The following DDX52 variants were observed in gnomAD, a reference collection of about 807,000 sequenced individuals.
DDX52 encodes probable ATP-dependent RNA helicase DDX52.
In DDX52, 59 loss-of-function variants were observed where a neutral mutation model predicts 76.1. That is an observed-to-expected ratio of 0.78 (90% CI 0.63 to 0.96). DDX52 has a LOEUF of 0.96. DDX52 is among the 40% of genes least tolerant of loss of function. DDX52 has a pLI of 0.00. For synonymous variants in DDX52, 231 were observed against 244.1 expected (o/e 0.95, Z 0.50); for missense variants, 707 against 703.9 (o/e 1.00, Z -0.05).
chr17:37,636,278 T>C (rs1463839680), intron 2 of DDX52, among the ~76,000 whole-genome samples: 1 of 152,132 alleles, frequency 6.6e-6, no homozygotes, highest in Non-Finnish European at 1.5e-5. Context: ...CAATATAAAG[T>C]TAGGTTTGAT....
In DDX52 at chr17:37,621,107, G is replaced by A. The variant is rs781226062; in HGVS notation, c.1501+20C>T. The A allele has an allele frequency of 6.3e-7, 1 of 1,594,426 alleles. No individual in the cohort carries two copies. ...CAGATCAGTGGGTGACAGAGGGGAA[G>A]GAAAAAAAAGACAACTCACCTATCC... On this transcript the variant is annotated intron_variant, in intron 11 of 14. Transcript: ENST00000617633.
At chr17:37,637,653 C>T (rs569289475) in intron 2 of DDX52, among the ~76,000 whole-genome samples, 1 of 152,068 alleles carries the variant, frequency 6.6e-6, no homozygotes, top group South Asian at 2.1e-4. Flanking sequence ...CGGCTCACTG[C>T]AACCTCTGCC....
At chr17:37,638,780 T>C (rs1406141545) in intron 2 of DDX52, among the ~76,000 whole-genome samples, 1 of 149,762 alleles carries the variant, frequency 6.7e-6, no homozygotes, top group Admixed American at 6.6e-5. Context: ...CTTTTTTTTT[T>C]TTTTTTTGAG....
rs1217680924 is a variant in DDX52, at chr17:37,633,053, GAGC to G, written c.417+232_417+234del. ...AAACATACTATCAATCTTGAAACTTGAGCAGGTCAAGAATTTTATATATGTATC... is the reference window on the plus strand; with the variant it reads ...AAACATACTATCAATCTTGAAACTTGAGGTCAAGAATTTTATATATGTATC... On this transcript the variant is annotated intron_variant, in intron 3 of 14. Coordinates refer to ENST00000617633, the MANE Select transcript of DDX52 (RefSeq NM_007010.5). 1.1e-4 allele frequency among the ~76,000 whole-genome samples: 17 copies of G among 152,198 alleles called. No homozygotes were observed. In the East Asian group the frequency reaches 2.3e-3, roughly 21 times the overall value.
chr17:37,626,220 T>A lies in DDX52; in HGVS notation c.933-122A>T, dbSNP rs2030365527. 2.9e-6 allele frequency: 3 copies of A among 1,030,434 alleles called. No homozygotes were observed. In the East Asian group the frequency reaches 8.0e-5, roughly 28 times the overall value. 63.8% of individuals were successfully genotyped at this position (1,030,434 alleles called of 1,614,324 possible). On this transcript the variant is annotated intron_variant, in intron 7 of 14. Coordinates refer to ENST00000617633, the MANE Select transcript of DDX52 (RefSeq NM_007010.5). ...ATAATGCTGCTTCTCAGATCCACTT[T>A]ATCATACCAAAAAAAAAAAATAAGA...
At chr17:37,631,114 T>TA (rs2030661565) in intron 4 of DDX52, 2 of 152,348 alleles carry the variant, frequency 1.3e-5, no homozygotes, top group African/African-American at 4.8e-5. Context: ...AAAGGTATCT[T>TA]ATATCCTTTG....
intron 13 of DDX52, among the ~76,000 whole-genome samples, chr17:37,618,776 C>A (rs147037294): frequency 2.6e-5 from 4 of 152,286 alleles, no homozygotes; most frequent in Non-Finnish European, 5.9e-5. Flanking sequence ...TGAGCTACCA[C>A]GCTCAGCCAC....
At position 37,610,196 on chromosome 17, in the gene DDX52, T is replaced by C. The variant is rs1040566468; in HGVS notation, c.*4100A>G. 6.6e-6 allele frequency: 1 copy of C among 151,702 alleles called. No homozygotes were observed. Among genetic ancestry groups the C allele is most frequent in the Admixed American group, 6.6e-5 (1 of 15,162 alleles). 9.4% of individuals were successfully genotyped at this position (151,702 alleles called of 1,614,324 possible). ...TGGAGTGCAGTGGCATGATCATGGC[T>C]CACAGCAGCCTCAGCCTCCCTGGCT... is the stretch of plus-strand genomic sequence containing the variant. On this transcript the variant is annotated 3_prime_UTR_variant, in exon 15 of 15. Coordinates refer to ENST00000617633, the MANE Select transcript of DDX52 (RefSeq NM_007010.5).
In DDX52 at chr17:37,643,368, G is replaced by T. The variant is rs2031291429; in HGVS notation, c.53C>A (p.Thr18Lys). Residue 18 changes from threonine to lysine, a missense_variant, in exon 1 of 15, where the codon ACG becomes AAG. Thr to Lys is a moderately conservative substitution (Grantham distance 78). Transcript: ENST00000617633. Reference protein sequence around the residue: ...RRLGAGAKFDTRRFSADAARF... With the variant: ...RRLGAGAKFDKRRFSADAARF... ...AGCTGCGTCTGCCGAGAAGCGTCTC[G>T]TGTCGAATTTGGCCCCCGCGCCGAG... 2 of 1,614,006 alleles carry T rather than the reference G, an allele frequency of 1.2e-6. No homozygotes were observed. Among genetic ancestry groups the T allele is most frequent in the African/African-American group, 1.3e-5 (1 of 75,034 alleles).
intron 13 of DDX52, among the ~76,000 whole-genome samples, 192 bp from the exon 14 acceptor site, chr17:37,618,576 G>T (rs1251235869): frequency 1.3e-5 from 2 of 151,988 alleles, no homozygotes; most frequent in Non-Finnish European, 2.9e-5. Flanking sequence ...CTGCCTCCTG[G>T]GTTCAGGCGA....
intron 12 of DDX52, chr17:37,620,669 G>C: frequency 2.1e-6 from 1 of 467,554 alleles, no homozygotes. Flanking sequence ...TTTTGAATAT[G>C]TATTTCCAAA....
chr17:37,622,534 T>C (rs2030156149), intron 9 of DDX52, among the ~76,000 whole-genome samples: 1 of 152,116 alleles, frequency 6.6e-6, no homozygotes, highest in Non-Finnish European at 1.5e-5. Context: ...GACCTGATGA[T>C]CCGCCCGCTT....
intron 14 of DDX52, chr17:37,614,949 T>C (rs1321731734): frequency 6.6e-6 from 1 of 152,210 alleles, no homozygotes; most frequent in Non-Finnish European, 1.5e-5. Context: ...TATTAACTCA[T>C]ATAATCCCAA....
chr17:37,643,422 T>C lies in DDX52; in HGVS notation c.-2A>G, dbSNP rs1439395806. Reference sequence around the variant, plus strand: ...GCGAAAGAGATCGTGGACGTCCATCTTTACCCAGAAAGCGCCACAGTTCTA... The same window carrying C: ...GCGAAAGAGATCGTGGACGTCCATCCTTACCCAGAAAGCGCCACAGTTCTA... On this transcript the variant is annotated 5_prime_UTR_variant, in exon 1 of 15. Transcript: ENST00000617633. 8 of 1,613,796 alleles carry C rather than the reference T, an allele frequency of 5.0e-6. No homozygotes were observed. Among genetic ancestry groups the C allele is most frequent in the African/African-American group, 1.3e-5 (1 of 75,044 alleles).
chr17:37,623,318 G>A (rs1018809512), intron 9 of DDX52, among the ~76,000 whole-genome samples: 6 of 152,188 alleles, frequency 3.9e-5, no homozygotes, highest in Middle Eastern at 3.4e-3. Flanking sequence ...CCAGGTACTC[G>A]GGAGACTGAG....
chr17:37,614,606 G>A (rs1160513609), intron 14 of DDX52, among the ~76,000 whole-genome samples: 1 of 152,192 alleles, frequency 6.6e-6, no homozygotes, highest in Non-Finnish European at 1.5e-5. Flanking sequence ...CTGACCTAAT[G>A]AGTTCACAAT....
In DDX52 at chr17:37,635,763, T is replaced by TA. The variant is rs779678759; in HGVS notation, c.287-2346dup. 5.9e-5 allele frequency among the ~76,000 whole-genome samples: 9 copies of TA among 151,458 alleles called. No individual in the cohort carries two copies. The East Asian group carries it at 7.7e-4, about 13-fold the overall frequency. On this transcript the variant is annotated intron_variant, in intron 2 of 14. Coordinates refer to ENST00000617633, the MANE Select transcript of DDX52 (RefSeq NM_007010.5). ...TAATATGGTAAATATATGTTTAACTTAAAAAAAAAGTCCCAAACTATTTTC... is the reference window on the plus strand; with the variant it reads ...TAATATGGTAAATATATGTTTAACTTAAAAAAAAAAGTCCCAAACTATTTTC...
At chr17:37,641,107 C>A (rs897398643) in intron 2 of DDX52, among the ~76,000 whole-genome samples, 7 of 151,974 alleles carry the variant, frequency 4.6e-5, no homozygotes, top group African/African-American at 1.7e-4. Context: ...ATATGCTTGA[C>A]CAGCCAGGTG....
At chr17:37,626,559 G>T (rs1167884778) in intron 7 of DDX52, among the ~76,000 whole-genome samples, 1 of 152,162 alleles carries the variant, frequency 6.6e-6, no homozygotes, top group Non-Finnish European at 1.5e-5. Flanking sequence ...CAGGAAAAAG[G>T]TAAAAGGAAG....
Sources: gnomAD v4.1 joint callset for allele counts (sites outside exome capture counted in the v4.1 genomes callset) on GRCh38, gnomAD v4.1.1 for gene constraint, MANE v1.5 for transcripts, NCBI Gene and HGNC (gene_info 2026-07-23, HGNC 2026-07-21) for gene names.